Variants in ZNF254 observed in about 807,000 individuals in gnomAD.
ZNF254 encodes zinc finger protein 254, also known as CTD-2017D11.1.
ZNF254 carries 10 observed loss-of-function variants against 12.4 expected under a neutral mutation model. The observed-to-expected ratio is 0.80, with a 90% CI of 0.50 to 1.36. The LOEUF is 1.36. Among genes scored for constraint, ZNF254 ranks in the 40% most tolerant of loss-of-function variants. The probability of loss-of-function intolerance (pLI) is 0.00; values close to 1 mark genes in which losing one functional copy is unlikely to be tolerated. For missense variants in ZNF254, 996 were observed against 763.9 expected, an observed-to-expected ratio of 1.30 and a Z score of -3.58; for synonymous variants, 305 against 253.4, an observed-to-expected ratio of 1.20 and a Z score of -1.93.
chr19:24,085,012 A>T (rs906600319), upstream of ZNF254, among the ~76,000 whole-genome samples: 9 of 146,742 alleles, frequency 6.1e-5, no homozygotes, highest in African/African-American at 2.0e-4. Flanking sequence ...GGCTCACTTC[A>T]ACCTCCTCCT....
intron 3 of ZNF254, among the ~76,000 whole-genome samples, chr19:24,114,931 C>T (rs376273446): frequency 0.027 from 4,127 of 151,972 alleles, 4 homozygotes; most frequent in South Asian, 0.059. Flanking sequence ...AAAATGCTCA[C>T]CATCACTGGC....
intron 1 of ZNF254, among the ~76,000 whole-genome samples, chr19:24,044,594 TATTG>T (rs933899679): frequency 6.6e-6 from 1 of 152,194 alleles, no homozygotes; most frequent in Admixed American, 6.5e-5. Flanking sequence ...TATATTCTTA[TATTG>T]ATTCGTGTTT....
intron 3 of ZNF254, among the ~76,000 whole-genome samples, chr19:24,125,583 C>T (rs1974780143): frequency 6.6e-6 from 1 of 151,958 alleles, no homozygotes; most frequent in Non-Finnish European, 1.5e-5. Flanking sequence ...ATTGTCTTTG[C>T]TGGTGATTAT....
At chr19:24,083,970 C>G (rs900986050), upstream of ZNF254, among the ~76,000 whole-genome samples, 2 of 151,914 alleles carry the variant, frequency 1.3e-5, no homozygotes, top group African/African-American at 4.8e-5. Context: ...TTTGATTCAG[C>G]AATTCCACTA....
intron 1 of ZNF254, among the ~76,000 whole-genome samples, chr19:24,036,147 C>T (rs763693259): frequency 1.2e-4 from 19 of 152,204 alleles, no homozygotes; most frequent in Non-Finnish European, 2.5e-4. Context: ...CTGCGAGCTC[C>T]GCCTCCTGGG....
In ZNF254 at chr19:24,116,352, T is replaced by C. The variant is rs375493500; in HGVS notation, c.253+9709T>C. On this transcript the variant is annotated intron_variant, in intron 3 of 3. Coordinates refer to ENST00000357002, the MANE Select transcript of ZNF254 (RefSeq NM_203282.4). ...GTACACCAATCAGATGTGGATTTGGTCTTTTCACATAGTCCCATATTTCTT... is the reference window on the plus strand; with the variant it reads ...GTACACCAATCAGATGTGGATTTGGCCTTTTCACATAGTCCCATATTTCTT... Among the ~76,000 whole-genome samples the C allele has an allele frequency of 3.1e-4, 47 of 152,244 alleles. 1 individual carries two copies. In the South Asian group the frequency reaches 9.3e-3, roughly 30 times the overall value.
chr19:24,113,553 C>T (rs1196395207), intron 3 of ZNF254, among the ~76,000 whole-genome samples: 1 of 152,094 alleles, frequency 6.6e-6, no homozygotes, highest in Non-Finnish European at 1.5e-5. Flanking sequence ...TAAGAGCTAT[C>T]TATGCCAAAC....
intron 1 of ZNF254, among the ~76,000 whole-genome samples, chr19:24,093,109 T>C (rs1051278499): frequency 1.8e-4 from 27 of 152,190 alleles, no homozygotes; most frequent in African/African-American, 6.3e-4. Flanking sequence ...TTGAAAAGCA[T>C]CTTTTTCAAG....
At chr19:24,114,277 A>AT (rs1415024854) in intron 3 of ZNF254, among the ~76,000 whole-genome samples, 5 of 151,058 alleles carry the variant, frequency 3.3e-5, no homozygotes, top group Admixed American at 2.0e-4. Context: ...ACTTCAAACT[A>AT]TACTACAAGG....
At chr19:24,120,388 T>G (rs1055699777) in intron 3 of ZNF254, among the ~76,000 whole-genome samples, 8 of 152,096 alleles carry the variant, frequency 5.3e-5, no homozygotes, top group African/African-American at 1.9e-4. Context: ...TCATGACAAC[T>G]TCAGTTGAAT....
At chr19:24,070,180 C>T (rs1408425536) in intron 2 of ZNF254, among the ~76,000 whole-genome samples, 1 of 152,162 alleles carries the variant, frequency 6.6e-6, no homozygotes, top group African/African-American at 2.4e-5. Flanking sequence ...ACTCTCATTT[C>T]TGGGATTAGA....
intron 1 of ZNF254, among the ~76,000 whole-genome samples, chr19:24,099,586 C>G (rs1034295281): frequency 6.6e-6 from 1 of 152,182 alleles, no homozygotes; most frequent in African/African-American, 2.4e-5. Context: ...AAGCAGTTAC[C>G]TGGCTTCAAG....
At chr19:24,110,337 G>A (rs562927166) in intron 3 of ZNF254, among the ~76,000 whole-genome samples, 1 of 152,072 alleles carries the variant, frequency 6.6e-6, no homozygotes, top group East Asian at 1.9e-4. Flanking sequence ...AGGACAGGAG[G>A]ATTGCTTGAG....
At chr19:24,061,610 A>G (rs2145410533) in intron 2 of ZNF254, among the ~76,000 whole-genome samples, 1 of 152,254 alleles carries the variant, frequency 6.6e-6, no homozygotes, top group Non-Finnish European at 1.5e-5. Context: ...GCCCTCAGGG[A>G]AAAAAATTAC....
At position 24,129,325 on chromosome 19, in the gene ZNF254, T is replaced by C. The variant is rs965031821; in HGVS notation, c.*1345T>C. ...GTGAACTTAGCTTTTCAATTCAACATTTTTAACATATTAAATACTATTGTG... is the reference window on the plus strand; with the variant it reads ...GTGAACTTAGCTTTTCAATTCAACACTTTTAACATATTAAATACTATTGTG... On this transcript the variant is annotated 3_prime_UTR_variant, in exon 4 of 4. Transcript: ENST00000357002. 3 of 152,068 alleles carry C rather than the reference T, an allele frequency of 2.0e-5. No homozygotes were observed. Among genetic ancestry groups the C allele is most frequent in the African/African-American group, 4.8e-5 (2 of 41,458 alleles). The allele number at this position is 152,068 out of a possible 1,614,324, so 9.4% of individuals were successfully genotyped here.
At chr19:24,115,485 G>A (rs1479840191) in intron 3 of ZNF254, among the ~76,000 whole-genome samples, 1 of 150,940 alleles carries the variant, frequency 6.6e-6, no homozygotes, top group Non-Finnish European at 1.5e-5. Context: ...GAGAACACAT[G>A]GACACAGGAA....
At chr19:24,109,816 G>T (rs1973558800) in intron 3 of ZNF254, among the ~76,000 whole-genome samples, 1 of 150,562 alleles carries the variant, frequency 6.6e-6, no homozygotes, top group Non-Finnish European at 1.5e-5. Flanking sequence ...CCACCTCTCG[G>T]GTTTAAGTGA....
chr19:24,110,069 G>C (rs1973575188), intron 3 of ZNF254, among the ~76,000 whole-genome samples: 1 of 151,976 alleles, frequency 6.6e-6, no homozygotes, highest in African/African-American at 2.4e-5. Flanking sequence ...TTGTCTAAGT[G>C]AGTAGCCTTG....
At chr19:24,105,825 C>T (rs765294624) in intron 1 of ZNF254, 115 bp from the exon 2 acceptor site, 78 of 1,443,920 alleles carry the variant, frequency 5.4e-5, no homozygotes, top group Non-Finnish European at 7.2e-5. Flanking sequence ...TGGATAATTT[C>T]AATCACTCTT....
Sources: gnomAD v4.1 joint callset for allele counts (sites outside exome capture counted in the v4.1 genomes callset) on GRCh38, gnomAD v4.1.1 for gene constraint, MANE v1.5 for transcripts, NCBI Gene and HGNC (gene_info 2026-07-23, HGNC 2026-07-21) for gene names.